The following FREM2 variants were observed in gnomAD, a reference collection of about 807,000 sequenced individuals.
The protein encoded by FREM2 is FRAS1-related extracellular matrix protein 2.
A neutral mutation model predicts 219.9 loss-of-function variants in FREM2; 119 were observed. That is an observed-to-expected ratio of 0.54 (90% CI 0.47 to 0.63). The LOEUF (loss-of-function observed/expected upper bound fraction) is 0.63, where lower values mean the gene tolerates loss of function less well. Ranked by LOEUF, FREM2 falls within the 30% of genes least tolerant of loss-of-function variation. The probability of loss-of-function intolerance (pLI) is 0.00; values close to 1 mark genes in which losing one functional copy is unlikely to be tolerated. For synonymous variants in FREM2, 1,562 were observed against 1,522.8 expected (o/e 1.03, Z -0.60); for missense variants, 4,030 against 3,993.6 (o/e 1.01, Z -0.25).
chr13:38,735,486 T>A (rs551845539), intron 2 of FREM2, among the ~76,000 whole-genome samples: 7 of 152,334 alleles, frequency 4.6e-5, no homozygotes, highest in Non-Finnish European at 1.0e-4. Context: ...ACTACTGCTT[T>A]GTCATTTCAG....
rs1242841110 is a variant in FREM2, at chr13:38,880,890, G to A, written c.*103G>A. Reference sequence around the variant, plus strand: ...ACCATAGAGAATGGAGGATGGCTGTGATGAAGCTGCTTAGAGAATATGACT... The same window carrying A: ...ACCATAGAGAATGGAGGATGGCTGTAATGAAGCTGCTTAGAGAATATGACT... On this transcript the variant is annotated 3_prime_UTR_variant, in exon 24 of 24. Coordinates refer to ENST00000280481, the MANE Select transcript of FREM2 (RefSeq NM_207361.6). The A allele has an allele frequency of 1.8e-5, 23 of 1,314,046 alleles. No individual in the cohort carries two copies. In the Middle Eastern group the frequency reaches 1.1e-3, roughly 62 times the overall value. The allele number at this position is 1,314,046 out of a possible 1,614,324, so 81.4% of individuals were successfully genotyped here.
chr13:38,853,305 A>G (rs1213906068), intron 11 of FREM2, among the ~76,000 whole-genome samples: 15 of 150,892 alleles, frequency 9.9e-5, no homozygotes, highest in Non-Finnish European at 1.9e-4. Context: ...AGACAAGCGC[A>G]AAACTCCGTC....
intron 2 of FREM2, among the ~76,000 whole-genome samples, chr13:38,706,984 C>T (rs1870566920): frequency 6.6e-6 from 1 of 152,122 alleles, no homozygotes; most frequent in Non-Finnish European, 1.5e-5. Flanking sequence ...GGATTGATTT[C>T]ATAATGTACA....
At chr13:38,817,931 A>G (rs1052347278) in intron 6 of FREM2, among the ~76,000 whole-genome samples, 2 of 152,146 alleles carry the variant, frequency 1.3e-5, no homozygotes, top group African/African-American at 4.8e-5. Flanking sequence ...ACAAACAGGT[A>G]TATAAAAAAT....
intron 6 of FREM2, among the ~76,000 whole-genome samples, chr13:38,790,560 T>C (rs930891923): frequency 2.0e-5 from 3 of 152,198 alleles, no homozygotes; most frequent in African/African-American, 7.2e-5. Context: ...GTTTTCTGCA[T>C]TGGTGCTTAT....
At chr13:38,866,562 G>A (rs1248478579) in intron 16 of FREM2, among the ~76,000 whole-genome samples, 1 of 151,922 alleles carries the variant, frequency 6.6e-6, no homozygotes, top group East Asian at 1.9e-4. Context: ...CAGCTACTCA[G>A]GAGGCTGAGG....
intron 18 of FREM2, among the ~76,000 whole-genome samples, chr13:38,875,123 G>A (rs1593458469): frequency 6.6e-6 from 1 of 151,502 alleles, no homozygotes; most frequent in African/African-American, 2.4e-5. Flanking sequence ...GGCAGCAGTC[G>A]ATAAAATCCC....
chr13:38,692,099 T>G lies in FREM2; in HGVS notation c.4755T>G (p.Asn1585Lys). The change falls in exon 1 of 24, where the codon AAT becomes AAG. Residue 1585 changes from asparagine to lysine, a missense_variant. Physicochemically the swap from Asn to Lys is moderately conservative, Grantham distance 94. Coordinates refer to ENST00000280481, the MANE Select transcript of FREM2 (RefSeq NM_207361.6). ...VPIHGHLLFN[N>K]TRPVMVFTKQ... Reference sequence around the variant, plus strand: ...TTCATGGCCATCTCCTATTCAACAATACCAGACCTGTCATGGTTTTTACCA... The same window carrying G: ...TTCATGGCCATCTCCTATTCAACAAGACCAGACCTGTCATGGTTTTTACCA... 2.5e-6 allele frequency: 4 copies of G among 1,614,192 alleles called. No homozygotes were observed. Among genetic ancestry groups the G allele is most frequent in the Non-Finnish European group, 3.4e-6 (4 of 1,180,012 alleles).
intron 6 of FREM2, among the ~76,000 whole-genome samples, chr13:38,804,705 G>A (rs1442002162): frequency 2.0e-5 from 3 of 152,266 alleles, no homozygotes; most frequent in Admixed American, 6.5e-5. Flanking sequence ...GCATTTAAAA[G>A]ATGAAAAGGA....
chr13:38,845,441 T>C (rs1192277041), intron 6 of FREM2, among the ~76,000 whole-genome samples: 4 of 152,184 alleles, frequency 2.6e-5, no homozygotes. Flanking sequence ...ATTCAGTCCT[T>C]TTGAATCTTG....
chr13:38,883,702 G>C lies in FREM2; in HGVS notation c.*2915G>C, dbSNP rs1878629185. The C allele has an allele frequency of 6.6e-6, 1 of 152,118 alleles. No homozygotes were observed. Among genetic ancestry groups the C allele is most frequent in the African/African-American group, 2.4e-5 (1 of 41,432 alleles). The allele number at this position is 152,118 out of a possible 1,614,324, so 9.4% of individuals were successfully genotyped here. A position where few individuals can be genotyped will look rare whatever the true frequency, so the allele number is the denominator to read the frequency against. On this transcript the variant is annotated 3_prime_UTR_variant, in exon 24 of 24. Transcript: ENST00000280481. ...CTTGGGAAGGTTATAACTGAATGCA[G>C]CTCTTTATTTGGACTAAAGTGTCAG...
intron 2 of FREM2, among the ~76,000 whole-genome samples, chr13:38,749,529 C>T (rs1322835860): frequency 6.6e-6 from 1 of 152,178 alleles, no homozygotes; most frequent in Non-Finnish European, 1.5e-5. Context: ...ACCACGGTTT[C>T]TCAACCCCAG....
intron 2 of FREM2, among the ~76,000 whole-genome samples, chr13:38,725,915 A>C (rs1178938283): frequency 1.3e-5 from 2 of 152,190 alleles, no homozygotes; most frequent in Non-Finnish European, 2.9e-5. Context: ...GCAAGGATGT[A>C]ATTTCAGATG....
intron 7 of FREM2, among the ~76,000 whole-genome samples, chr13:38,847,644 C>G (rs552396481): frequency 3.6e-4 from 55 of 152,012 alleles, no homozygotes; most frequent in Middle Eastern, 3.4e-3. Flanking sequence ...GGACATCCTA[C>G]AAAATGAATC....
chr13:38,778,164 A>G (rs968064654), intron 4 of FREM2, among the ~76,000 whole-genome samples: 1 of 152,242 alleles, frequency 6.6e-6, no homozygotes, highest in African/African-American at 2.4e-5. Flanking sequence ...ATAGATTAGA[A>G]GTATAGAATG....
intron 2 of FREM2, among the ~76,000 whole-genome samples, chr13:38,762,306 T>C (rs766349478): frequency 7.9e-5 from 12 of 152,174 alleles, no homozygotes; most frequent in Non-Finnish European, 1.6e-4. Context: ...TCCTAGCCCA[T>C]GGCCTCTCCT....
intron 12 of FREM2, among the ~76,000 whole-genome samples, chr13:38,857,360 C>T (rs1327379339): frequency 6.6e-6 from 1 of 152,124 alleles, no homozygotes; most frequent in Admixed American, 6.5e-5. Context: ...AACTCAAATT[C>T]TCCCCTGCCT....
At chr13:38,756,056 A>C (rs1017626174) in intron 2 of FREM2, among the ~76,000 whole-genome samples, 1 of 151,940 alleles carries the variant, frequency 6.6e-6, no homozygotes, top group Non-Finnish European at 1.5e-5. Flanking sequence ...TTCAATTCAC[A>C]CTCCTGAGCA....
intron 14 of FREM2, among the ~76,000 whole-genome samples, chr13:38,860,192 A>C (rs546401175): frequency 6.6e-6 from 1 of 152,202 alleles, no homozygotes; most frequent in East Asian, 1.9e-4. Context: ...TTGTTGGGTG[A>C]GTAGGATTTT....
Sources: gnomAD v4.1 joint callset for allele counts (sites outside exome capture counted in the v4.1 genomes callset) on GRCh38, gnomAD v4.1.1 for gene constraint, MANE v1.5 for transcripts, NCBI Gene and HGNC (gene_info 2026-07-23, HGNC 2026-07-21) for gene names.